The following PRKDC variants were observed in gnomAD, a reference collection of about 807,000 sequenced individuals.
The protein encoded by PRKDC is protein kinase, DNA-activated, catalytic subunit, also known as DNA-dependent protein kinase catalytic subunit.
Under a neutral mutation model 486.9 loss-of-function variants are expected in PRKDC, and 82 were observed. The observed-to-expected ratio is 0.17, with a 90% CI of 0.14 to 0.20. The LOEUF (loss-of-function observed/expected upper bound fraction) is 0.20, where lower values mean the gene tolerates loss of function less well. Among genes scored for constraint, PRKDC ranks in the 10% least tolerant of loss-of-function variants. The pLI, the probability that PRKDC is intolerant of heterozygous loss-of-function variation, is 1.00. For synonymous variants in PRKDC, 1,895 were observed against 1,837.0 expected (o/e 1.03, Z -0.81); for missense variants, 4,504 against 5,038.2 (o/e 0.89, Z 3.21).
Position 47,858,974 on chromosome 8 carries a change from G to A in PRKDC, c.6220C>T (p.Pro2074Ser), listed in dbSNP as rs761465385. Residue 2074 changes from proline to serine, a missense_variant, in exon 47 of 86, where the codon CCC becomes TCC. This residue lies in a region of PRKDC where 1,592 missense variants were observed against 1,724.6 expected (regional missense o/e 0.92). Coordinates refer to ENST00000314191, the MANE Select transcript of PRKDC (RefSeq NM_006904.7). ...TCCAGCACATCATCATGCACCGTGG[G>A]GTCCCGCTGCTCCTGCGAAAGGGAG... ...GRFRRREQRD[P>S]TVHDDVLELE... is the part of the protein sequence containing the mutation. 7 of 1,612,960 alleles carry A rather than the reference G, an allele frequency of 4.3e-6. No homozygotes were observed. The highest frequency in any genetic ancestry group is 5.9e-6 in the Non-Finnish European group (7 of 1,179,888).
intron 39 of PRKDC, among the ~76,000 whole-genome samples, chr8:47,878,744 T>C (rs1368910410): frequency 6.6e-6 from 1 of 152,236 alleles, no homozygotes; most frequent in Non-Finnish European, 1.5e-5. Flanking sequence ...CCTTATCCTA[T>C]CTCATGGACA....
At chr8:47,815,894 T>C (rs1242771933) in intron 68 of PRKDC, among the ~76,000 whole-genome samples, 1 of 152,140 alleles carries the variant, frequency 6.6e-6, no homozygotes, top group Admixed American at 6.5e-5. Context: ...CATTATACAG[T>C]GGAGAGACCA....
Position 47,888,984 on chromosome 8 carries a change from C to T in PRKDC, c.4280+30G>A, listed in dbSNP as rs186195579. Reference sequence around the variant, plus strand: ...ACTAGGGCCTGAAATTCCAGGACAACATGTCCCCGATTGTGACCCAAGTAC... The same window carrying T: ...ACTAGGGCCTGAAATTCCAGGACAATATGTCCCCGATTGTGACCCAAGTAC... On this transcript the variant is annotated intron_variant, in intron 33 of 85. Coordinates refer to ENST00000314191, the MANE Select transcript of PRKDC (RefSeq NM_006904.7). The T allele has an allele frequency of 4.3e-5, 68 of 1,594,264 alleles. No homozygotes were observed. The East Asian group carries it at 1.4e-3, about 32-fold the overall frequency.
chr8:47,932,250 ATT>A (rs757597990), intron 16 of PRKDC, among the ~76,000 whole-genome samples: 30 of 151,920 alleles, frequency 2.0e-4, no homozygotes, highest in Non-Finnish European at 3.2e-4. Flanking sequence ...TGCCTGGCTA[ATT>A]TTTTGTATTT....
intron 3 of PRKDC, among the ~76,000 whole-genome samples, chr8:47,956,348 C>T (rs577379978): frequency 2.6e-5 from 4 of 151,876 alleles, no homozygotes; most frequent in Admixed American, 6.6e-5. Flanking sequence ...AAAGTATTCA[C>T]GGGACTCTGT....
chr8:47,774,390 C>T lies in PRKDC; in HGVS notation c.12183-13G>A. 6.2e-7 allele frequency: 1 copy of T among 1,608,660 alleles called. No homozygotes were observed. Among genetic ancestry groups the T allele is most frequent in the Non-Finnish European group, 8.5e-7 (1 of 1,177,976 alleles). On this transcript the variant is annotated splice_polypyrimidine_tract_variant and intron_variant, in intron 85 of 85. Transcript: ENST00000314191. Reference sequence around the variant, plus strand: ...GAGTAGCTCATCACTGGAAAAAAAACAAACACAGAAAACACAAAGCATGTG... The same window carrying T: ...GAGTAGCTCATCACTGGAAAAAAAATAAACACAGAAAACACAAAGCATGTG...
At chr8:47,938,090 A>C (rs751271488) in intron 11 of PRKDC, among the ~76,000 whole-genome samples, 6 of 151,618 alleles carry the variant, frequency 4.0e-5, no homozygotes, top group Non-Finnish European at 8.8e-5. Context: ...CTCCAGCCTG[A>C]GAGGCAAAAA....
At chr8:47,956,677 TG>T (rs2154504706) in intron 3 of PRKDC, among the ~76,000 whole-genome samples, 1 of 152,072 alleles carries the variant, frequency 6.6e-6, no homozygotes, top group Non-Finnish European at 1.5e-5. Context: ...CACTCCAGCC[TG>T]GATGACAGAG....
At chr8:47,956,051 C>T in intron 3 of PRKDC, 103 bp from the exon 4 acceptor site, 1 of 831,396 alleles carries the variant, frequency 1.2e-6, no homozygotes, top group Non-Finnish European at 1.9e-6. Flanking sequence ...TACCAAAATT[C>T]AGTATTTAGC....
intron 30 of PRKDC, among the ~76,000 whole-genome samples, chr8:47,896,371 GGT>G (rs1319400461): frequency 6.6e-6 from 1 of 152,026 alleles, no homozygotes; most frequent in Non-Finnish European, 1.5e-5. Context: ...CCCCAGGCCA[GGT>G]GCAGTGGCTG....
intron 73 of PRKDC, among the ~76,000 whole-genome samples, chr8:47,794,738 G>A (rs1347496905): frequency 1.3e-5 from 2 of 152,188 alleles, no homozygotes; most frequent in African/African-American, 4.8e-5. Context: ...GCTGCTGCTG[G>A]TTGTTCTTAG....
Position 47,955,419 on chromosome 8 carries a change from G to A in PRKDC, c.399+455C>T, listed in dbSNP as rs536963187. Among the ~76,000 whole-genome samples the A allele has an allele frequency of 7.5e-5, 9 of 120,522 alleles. No homozygotes were observed. In the South Asian group the frequency reaches 1.1e-3, roughly 14 times the overall value. 79.1% of individuals were successfully genotyped at this position (120,522 alleles called of 152,430 possible). On this transcript the variant is annotated intron_variant, in intron 4 of 85. Transcript: ENST00000314191. Reference sequence around the variant, plus strand: ...GGAGCTTGCAGTGAGCCGAGATCCCGCCACTGCACTCCAGCCTGGGCGACA... The same window carrying A: ...GGAGCTTGCAGTGAGCCGAGATCCCACCACTGCACTCCAGCCTGGGCGACA...
rs1050938362 is a variant in PRKDC at position 47,959,616 on chromosome 8, T to C, written c.154+357A>G. Among the ~76,000 whole-genome samples the C allele has an allele frequency of 2.0e-5, 3 of 151,316 alleles. No homozygotes were observed. The East Asian group carries it at 5.8e-4, about 29-fold the overall frequency. The stretch of plus-strand genomic sequence containing the variant: ...ATAGCTTGAACCCGGGAGGCGGAGG[T>C]TGCAGTGAGCCGAGATCGCGCCACT... On this transcript the variant is annotated intron_variant, in intron 1 of 85. Coordinates refer to ENST00000314191, the MANE Select transcript of PRKDC (RefSeq NM_006904.7).
At chr8:47,857,733 A>T (rs1389784145) in intron 48 of PRKDC, among the ~76,000 whole-genome samples, 1 of 152,086 alleles carries the variant, frequency 6.6e-6, no homozygotes, top group Non-Finnish European at 1.5e-5. Context: ...GAATCAAGTG[A>T]GCCCCGAGGA....
At chr8:47,890,512 T>C (rs868239274) in intron 31 of PRKDC, 32 bp from the exon 32 acceptor site, 11 of 1,413,458 alleles carry the variant, frequency 7.8e-6, no homozygotes, top group African/African-American at 4.3e-5. Flanking sequence ...TATTAATATA[T>C]GCTTCCTTTC....
chr8:47,959,935 C>T (rs1317393236), intron 1 of PRKDC, 38 bp downstream of exon 1: 1 of 1,530,084 alleles, frequency 6.5e-7, no homozygotes, highest in Non-Finnish European at 8.7e-7. Context: ...CTCGGGAAGC[C>T]AGGACCCACC....
At chr8:47,921,408 T>C (rs2090068563) in intron 21 of PRKDC, among the ~76,000 whole-genome samples, 1 of 152,218 alleles carries the variant, frequency 6.6e-6, no homozygotes, top group African/African-American at 2.4e-5. Flanking sequence ...ATTTGCAACC[T>C]TGGACTGACT....
intron 32 of PRKDC, among the ~76,000 whole-genome samples, chr8:47,889,588 G>C (rs1042531752): frequency 5.9e-5 from 9 of 152,268 alleles, no homozygotes; most frequent in African/African-American, 2.2e-4. Context: ...GCACCTGGCA[G>C]AGATTCCCTG....
At chr8:47,801,962 T>C (rs1171058038) in intron 70 of PRKDC, among the ~76,000 whole-genome samples, 1 of 152,212 alleles carries the variant, frequency 6.6e-6, no homozygotes, top group Non-Finnish European at 1.5e-5. Context: ...GTAATTATTA[T>C]TATATGGGTA....
Sources: gnomAD v4.1 joint callset for allele counts (sites outside exome capture counted in the v4.1 genomes callset) on GRCh38, gnomAD v4.1.1 for gene constraint, gnomAD v4.1.1 regional missense constraint, MANE v1.5 for transcripts, NCBI Gene and HGNC (gene_info 2026-07-23, HGNC 2026-07-21) for gene names.